The following USP6NL variants were observed in gnomAD, a reference collection of about 807,000 sequenced individuals.
USP6NL encodes USP6 N-terminal-like protein.
In USP6NL, 26 loss-of-function variants were observed where a neutral mutation model predicts 61.9. The observed-to-expected ratio is 0.42, with a 90% CI of 0.31 to 0.58. The LOEUF (loss-of-function observed/expected upper bound fraction) is 0.58. Among genes scored for constraint, USP6NL ranks in the 20% least tolerant of loss-of-function variants. USP6NL has a pLI of 0.16. For missense variants in USP6NL, 1,114 were observed against 1,034.3 expected (o/e 1.08, Z -1.06); for synonymous variants, 432 against 390.1 (o/e 1.11, Z -1.27).
rs1836973842 is a variant in USP6NL at position 11,562,331 on chromosome 10, C to T, written c.5-34764G>A. The stretch of plus-strand genomic sequence containing the variant: ...TAGCAGCAGCCATGTGACACAGTTC[C>T]GGCTGATGGCTTAAGGAAAAGCTTT... On this transcript the variant is annotated intron_variant, in intron 2 of 14. Transcript: ENST00000609104. This position sits in a 1 kb window ranked among gnomAD's most constrained non-coding sequence, Gnocchi z 4.8. 2 of 966,900 alleles carry T rather than the reference C, an allele frequency of 2.1e-6. No homozygotes were observed. Among genetic ancestry groups the T allele is most frequent in the Non-Finnish European group, 2.5e-6 (2 of 813,006 alleles). The allele number at this position is 966,900 out of a possible 1,614,324, so 59.9% of individuals were successfully genotyped here. A position where few individuals can be genotyped will look rare whatever the true frequency, so the allele number is the denominator to read the frequency against.
intron 2 of USP6NL, among the ~76,000 whole-genome samples, chr10:11,545,408 G>A (rs1023187245): frequency 5.9e-5 from 9 of 152,314 alleles, no homozygotes; most frequent in Non-Finnish European, 1.0e-4. Flanking sequence ...TTCTTCCCCA[G>A]CAGGCCATGC....
chr10:11,530,442 T>C (rs17150516), intron 2 of USP6NL, among the ~76,000 whole-genome samples: 17,242 of 152,232 alleles, frequency 0.11, 1,285 homozygotes, highest in East Asian at 0.16. Flanking sequence ...TGTCGGTCTA[T>C]AGAGACTTCC....
At position 11,490,821 on chromosome 10, in the gene USP6NL, C is replaced by G; in HGVS notation, c.543+11G>C. 7 of 1,553,516 alleles carry G rather than the reference C, an allele frequency of 4.5e-6. No individual in the cohort carries two copies. The South Asian group carries it at 7.2e-5, about 16-fold the overall frequency. ...AACTCAAAGACCTTGGGCAGGCAGG[C>G]CCCAACTTACCGTGTTATAAATAGA... On this transcript the variant is annotated intron_variant, in intron 9 of 14. Transcript: ENST00000609104. The surrounding 1 kb of genome is among the most constrained non-coding windows in gnomAD (Gnocchi z 4.5).
intron 2 of USP6NL, among the ~76,000 whole-genome samples, chr10:11,578,621 A>T (rs1455790460): frequency 2.6e-5 from 4 of 152,224 alleles, no homozygotes; most frequent in Non-Finnish European, 4.4e-5. Flanking sequence ...AAAAAAAATA[A>T]ATCAAAATTA....
rs906981377 is a variant in USP6NL, at chr10:11,597,217, T to C, written c.4+414A>G. ...TTGTTCTATCAGAGACATTGATAGA[T>C]TGTTAGGGGTTTTTTTTCCCTTAAA... On this transcript the variant is annotated intron_variant, in intron 2 of 14. Transcript: ENST00000609104. The surrounding 1 kb of genome is among the most constrained non-coding windows in gnomAD (Gnocchi z 4.6). Among the ~76,000 whole-genome samples, 1 of 152,190 alleles carries C rather than the reference T, an allele frequency of 6.6e-6. No individual in the cohort carries two copies. The highest frequency in any genetic ancestry group is 1.5e-5 in the Non-Finnish European group (1 of 68,024).
rs752655613 is a variant in USP6NL at position 11,525,375 on chromosome 10, A to G, written c.155+11T>C. ...AATCTAAAAAGCAAGCTTTCAATCT[A>G]TGTGACTTACTGTAAAAAGCCAAAT... On this transcript the variant is annotated intron_variant, in intron 4 of 14. Coordinates refer to ENST00000609104, the MANE Select transcript of USP6NL (RefSeq NM_014688.5). This position sits in a 1 kb window ranked among gnomAD's most constrained non-coding sequence, Gnocchi z 5.0. 2 of 1,588,868 alleles carry G rather than the reference A, an allele frequency of 1.3e-6. No homozygotes were observed. The highest frequency in any genetic ancestry group is 1.2e-5 in the South Asian group (1 of 85,048).
chr10:11,603,432 G>A (rs1338159912), intron 1 of USP6NL, among the ~76,000 whole-genome samples: 1 of 152,140 alleles, frequency 6.6e-6, no homozygotes, highest in Non-Finnish European at 1.5e-5. Context: ...TGCACATAAT[G>A]CCTGTGCTCC....
At chr10:11,564,446 T>C (rs1837049321) in intron 2 of USP6NL, 1 of 152,192 alleles carries the variant, frequency 6.6e-6, no homozygotes. Flanking sequence ...TTATCTACTA[T>C]CTGTTATCTC....
At chr10:11,535,944 T>C (rs993022433) in intron 2 of USP6NL, among the ~76,000 whole-genome samples, 2 of 152,200 alleles carry the variant, frequency 1.3e-5, no homozygotes, top group African/African-American at 4.8e-5. Flanking sequence ...AAAAATGCCA[T>C]TATAATTTTG....
At chr10:11,469,776 G>T (rs527672993) in intron 14 of USP6NL, among the ~76,000 whole-genome samples, 1 of 152,344 alleles carries the variant, frequency 6.6e-6, no homozygotes, top group South Asian at 2.1e-4. Context: ...CAGGGCTGGG[G>T]TTTGCTTCAC....
intron 2 of USP6NL, among the ~76,000 whole-genome samples, chr10:11,529,696 A>G (rs79828961): frequency 6.6e-6 from 1 of 152,246 alleles, no homozygotes; most frequent in Non-Finnish European, 1.5e-5. Flanking sequence ...AATCAACTCA[A>G]TGATATACAT....
chr10:11,489,308 C>A lies in USP6NL; in HGVS notation c.544-86G>T, dbSNP rs939092753. The A allele has an allele frequency of 9.1e-6, 14 of 1,534,486 alleles. No individual in the cohort carries two copies. The highest frequency in any genetic ancestry group is 1.2e-5 in the Non-Finnish European group (14 of 1,131,698). On this transcript the variant is annotated intron_variant, in intron 9 of 14. Transcript: ENST00000609104. The surrounding 1 kb of genome is among the most constrained non-coding windows in gnomAD (Gnocchi z 5.7). The stretch of plus-strand genomic sequence containing the variant: ...AGAGAAAAAGCTACTCTATAAAAAC[C>A]AGAAAATGCCTACACACATCATTTA...
At chr10:11,567,214 T>C (rs1837195191) in intron 2 of USP6NL, among the ~76,000 whole-genome samples, 1 of 152,236 alleles carries the variant, frequency 6.6e-6, no homozygotes, top group South Asian at 2.1e-4. Flanking sequence ...TGACAAATAA[T>C]TGTATATGTT....
chr10:11,545,629 G>C (rs1022260604), intron 2 of USP6NL, among the ~76,000 whole-genome samples: 1 of 152,144 alleles, frequency 6.6e-6, no homozygotes, highest in Non-Finnish European at 1.5e-5. Flanking sequence ...CAAATATCTT[G>C]AAAATATAAA....
chr10:11,522,345 GA>G (rs1207067804), intron 4 of USP6NL, among the ~76,000 whole-genome samples: 2 of 152,078 alleles, frequency 1.3e-5, no homozygotes, highest in Non-Finnish European at 2.9e-5. Context: ...TAAGACAGTA[GA>G]AAAAAATGCT....
At position 11,463,581 on chromosome 10, in the gene USP6NL, A is replaced by C. The variant is rs759471552; in HGVS notation, c.1347T>G (p.Phe449Leu). ...ESKKLKDEAD[F>L]QRKLPSGPQD... ...GTGGACCCGATGGGAGTTTTCTTTG[A>C]AAATCTGCCTCATCTTTAAGCTTTT... The change falls in exon 15 of 15, where the codon TTT becomes TTG. Residue 449 changes from phenylalanine (F) to leucine (L), a missense_variant. Physicochemically the swap from Phe to Leu is conservative, Grantham distance 22. Coordinates refer to ENST00000609104, the MANE Select transcript of USP6NL (RefSeq NM_014688.5). The surrounding 1 kb of genome is among the most constrained non-coding windows in gnomAD (Gnocchi z 6.3). 8 of 1,613,820 alleles carry C rather than the reference A, an allele frequency of 5.0e-6. No homozygotes were observed. The highest frequency in any genetic ancestry group is 1.7e-5 in the Admixed American group (1 of 60,008).
intron 10 of USP6NL, among the ~76,000 whole-genome samples, 169 bp downstream of exon 10, chr10:11,488,933 G>A (rs894697825): frequency 6.6e-6 from 1 of 152,196 alleles, no homozygotes; most frequent in South Asian, 2.1e-4. Flanking sequence ...TTTTAGAAAA[G>A]TTCAATAATG....
Position 11,493,204 on chromosome 10 carries a change from A to G in USP6NL, c.409T>C (p.Cys137Arg). 6.2e-7 allele frequency: 1 copy of G among 1,611,540 alleles called. No homozygotes were observed. The highest frequency in any genetic ancestry group is 8.5e-7 in the Non-Finnish European group (1 of 1,178,716). Residue 137 changes from cysteine (C) to arginine (R), a missense_variant, in exon 8 of 15, where the codon TGT becomes CGT. By Grantham distance (180) the Cys-to-Arg change is radical. Coordinates refer to ENST00000609104, the MANE Select transcript of USP6NL (RefSeq NM_014688.5). ...TCTATTTGTCTGATGTCAGGTGAAC[A>G]GCCCCGTGCTCTGTGTTTTAATTTC... ...YSKLKHRARG[C>R]SPDIRQIDLD...
rs1384001594 is a variant in USP6NL, at chr10:11,472,444, T to TGCTC, written c.1079-8599_1079-8596dup. Among the ~76,000 whole-genome samples the TGCTC allele has an allele frequency of 2.0e-5, 3 of 152,330 alleles. No homozygotes were observed. In the East Asian group the frequency reaches 5.8e-4, roughly 29 times the overall value. On this transcript the variant is annotated intron_variant, in intron 14 of 14. Coordinates refer to ENST00000609104, the MANE Select transcript of USP6NL (RefSeq NM_014688.5). ...CATCATTGCAGCAAAGCGCTCTAAG[T>TGCTC]GCTCGCTCTGTGAGCAGCATTCTAC...
Sources: allele counts gnomAD v4.1 joint callset (sites outside exome capture counted in the v4.1 genomes callset), GRCh38; gene constraint gnomAD v4.1.1; non-coding constraint Gnocchi (gnomAD v3.1); transcripts MANE v1.5; gene names NCBI Gene and HGNC (gene_info 2026-07-23, HGNC 2026-07-21).